The following DRC11 variants were observed in gnomAD, a reference collection of about 807,000 sequenced individuals.
The protein encoded by DRC11 is IQ and AAA domain-containing protein 1.
chr2:236,489,752 G>C, the DRC11 span, among the ~76,000 whole-genome samples: 1 of 152,124 alleles, frequency 6.6e-6, no homozygotes, highest in East Asian at 1.9e-4. Flanking sequence ...GTGAGACCCC[G>C]TCTCTAAAAA....
At chr2:236,400,915 C>T in the DRC11 span, among the ~76,000 whole-genome samples, 1 of 152,216 alleles carries the variant, frequency 6.6e-6, no homozygotes, top group Non-Finnish European at 1.5e-5. The surrounding 1 kb of genome is among the most constrained non-coding windows in gnomAD (Gnocchi z 7.9). Flanking sequence ...TTCCTGGGGT[C>T]TCCCTGCTTC....
the DRC11 span, among the ~76,000 whole-genome samples, chr2:236,374,539 C>T: frequency 6.6e-6 from 1 of 152,166 alleles, no homozygotes; most frequent in African/African-American, 2.4e-5. Context: ...AAGCATGATG[C>T]TGGCATCTGC....
the DRC11 span, among the ~76,000 whole-genome samples, chr2:236,366,444 GCTTAA>G: frequency 6.6e-6 from 1 of 152,214 alleles, no homozygotes; most frequent in Non-Finnish European, 1.5e-5. Flanking sequence ...CCTCCCAAAA[GCTTAA>G]CTGTGCACAC....
At chr2:236,424,089 A>G in the DRC11 span, among the ~76,000 whole-genome samples, 3 of 151,036 alleles carry the variant, frequency 2.0e-5, no homozygotes, top group Non-Finnish European at 3.0e-5. Flanking sequence ...ATTGGGAGAT[A>G]TACCTAATGC....
chr2:236,363,104 G>A, the DRC11 span, among the ~76,000 whole-genome samples: 1 of 152,188 alleles, frequency 6.6e-6, no homozygotes, highest in Non-Finnish European at 1.5e-5. This position sits in a 1 kb window ranked among gnomAD's most constrained non-coding sequence, Gnocchi z 5.6. Context: ...AAGCTGGCAT[G>A]GCAGCAACTG....
the DRC11 span, chr2:236,331,235 C>T: frequency 1.4e-6 from 1 of 706,792 alleles, no homozygotes; most frequent in East Asian, 2.5e-5. This position sits in a 1 kb window ranked among gnomAD's most constrained non-coding sequence, Gnocchi z 4.8. Flanking sequence ...TCCAAAATTT[C>T]AGGTTTCCAA....
chr2:236,461,016 AAAGTATAG>A, the DRC11 span, among the ~76,000 whole-genome samples: 4 of 152,146 alleles, frequency 2.6e-5, no homozygotes, highest in Non-Finnish European at 5.9e-5. This position sits in a 1 kb window ranked among gnomAD's most constrained non-coding sequence, Gnocchi z 4.0. Flanking sequence ...TCAGCCTCTC[AAAGTATAG>A]GGATTACAGG....
chr2:236,468,681 G>C, the DRC11 span, among the ~76,000 whole-genome samples: 1 of 152,110 alleles, frequency 6.6e-6, no homozygotes, highest in South Asian at 2.1e-4. Context: ...TACATCTTAA[G>C]TGTGTAAGAC....
chr2:236,376,933 C>A, the DRC11 span, among the ~76,000 whole-genome samples: 2 of 152,218 alleles, frequency 1.3e-5, no homozygotes, highest in Non-Finnish European at 2.9e-5. This position sits in a 1 kb window ranked among gnomAD's most constrained non-coding sequence, Gnocchi z 5.7. Flanking sequence ...CCACAGCATC[C>A]TCTTAGGTTA....
At chr2:236,416,595 T>G in the DRC11 span, among the ~76,000 whole-genome samples, 1 of 150,988 alleles carries the variant, frequency 6.6e-6, no homozygotes, top group Admixed American at 6.6e-5. Flanking sequence ...GAAGAACCAC[T>G]GCGGGTCACA....
the DRC11 span, among the ~76,000 whole-genome samples, chr2:236,492,482 G>C: frequency 2.0e-5 from 3 of 152,192 alleles, no homozygotes; most frequent in African/African-American, 4.8e-5. Flanking sequence ...CACCCAGGCT[G>C]GCAATACCCA....
At chr2:236,433,063 C>T in the DRC11 span, among the ~76,000 whole-genome samples, 5 of 151,548 alleles carry the variant, frequency 3.3e-5, no homozygotes, top group Non-Finnish European at 5.9e-5. Flanking sequence ...TATAAATTTC[C>T]GTATGTATTT....
At chr2:236,419,371 A>G in the DRC11 span, 1 of 1,457,266 alleles carries the variant, frequency 6.9e-7, no homozygotes, top group Non-Finnish European at 9.0e-7. This position sits in a 1 kb window ranked among gnomAD's most constrained non-coding sequence, Gnocchi z 4.8. Context: ...GGTCAGTGTC[A>G]TCTCTCTGCC....
At chr2:236,474,607 TC>T in the DRC11 span, among the ~76,000 whole-genome samples, 1 of 152,158 alleles carries the variant, frequency 6.6e-6, no homozygotes, top group South Asian at 2.1e-4. Flanking sequence ...TCTTTTGACT[TC>T]TAATTTAATT....
At chr2:236,409,072 A>G in the DRC11 span, 2 of 536,828 alleles carry the variant, frequency 3.7e-6, no homozygotes. Context: ...ACTTCTTGTG[A>G]GACATCACGC....
chr2:236,468,421 A>G, the DRC11 span, among the ~76,000 whole-genome samples: 32 of 152,340 alleles, frequency 2.1e-4, no homozygotes, highest in Non-Finnish European at 3.8e-4. Flanking sequence ...GATGCTAGAA[A>G]AAAACCCCTA....
the DRC11 span, among the ~76,000 whole-genome samples, chr2:236,366,822 TTCTCTCTC>T: frequency 7.0e-6 from 1 of 141,878 alleles, no homozygotes; most frequent in Admixed American, 7.0e-5. Context: ...CTCTCTCTCT[TTCTCTCTC>T]TCTCTCTTTC....
chr2:236,424,242 G>T, the DRC11 span, among the ~76,000 whole-genome samples: 2 of 151,924 alleles, frequency 1.3e-5, no homozygotes, highest in Non-Finnish European at 2.9e-5. Flanking sequence ...AAAAATAGTC[G>T]GATATATAAT....
the DRC11 span, among the ~76,000 whole-genome samples, chr2:236,354,341 ATGTG>A: frequency 9.5e-6 from 1 of 105,388 alleles, no homozygotes; most frequent in Non-Finnish European, 2.1e-5. Flanking sequence ...ATTAGTGTGC[ATGTG>A]TGTGTGTGGG....
Sources: gnomAD v4.1 joint callset for allele counts (sites outside exome capture counted in the v4.1 genomes callset) on GRCh38, gnomAD v4.1.1 for gene constraint, Gnocchi (gnomAD v3.1) non-coding constraint, MANE v1.5 for transcripts, NCBI Gene and HGNC (gene_info 2026-07-23, HGNC 2026-07-21) for gene names.